The following MRPL1 variants were observed in gnomAD, a reference collection of about 807,000 sequenced individuals.
MRPL1 encodes the protein large ribosomal subunit protein uL1m.
Under a neutral mutation model 38.0 loss-of-function variants are expected in MRPL1, and 28 were observed. The ratio of observed to expected loss-of-function variants is 0.74; its 90% CI spans 0.55 to 1.01. MRPL1 has a LOEUF of 1.01. Ranked by LOEUF, MRPL1 falls within the 50% of genes least tolerant of loss-of-function variation. The pLI is 0.00. For synonymous variants in MRPL1, 123 were observed against 126.7 expected (o/e 0.97, Z 0.20); for missense variants, 358 against 389.8 (o/e 0.92, Z 0.69).
At chr4:77,863,663 C>T (rs1578033994) in intron 1 of MRPL1, among the ~76,000 whole-genome samples, 1 of 151,996 alleles carries the variant, frequency 6.6e-6, no homozygotes, top group Admixed American at 6.6e-5. Context: ...GACAGGGTTT[C>T]ACCATGTTGA....
intron 8 of MRPL1, 49 bp from the exon 9 acceptor site, chr4:77,952,440 G>T: frequency 8.1e-7 from 1 of 1,240,064 alleles, no homozygotes; most frequent in Non-Finnish European, 1.2e-6. Flanking sequence ...TGCTCATGAG[G>T]TGGTATTGCG....
chr4:77,869,376 A>G (rs925183538), intron 1 of MRPL1, among the ~76,000 whole-genome samples: 3 of 152,168 alleles, frequency 2.0e-5, no homozygotes, highest in Non-Finnish European at 4.4e-5. Flanking sequence ...GGGGAAGAGA[A>G]ATGTATTAAT....
chr4:77,886,789 C>CTTTTTTTTT lies in MRPL1; in HGVS notation c.487-418_487-410dup, dbSNP rs71214375. On this transcript the variant is annotated intron_variant, in intron 4 of 8. Transcript: ENST00000315567. ...GCTCACTGCACCTGGTTTGCATTTT[C>CTTTTTTTTT]TTTTTTTTTTTTTTTTTTTTTGAGA... 1.5e-3 allele frequency among the ~76,000 whole-genome samples: 136 copies of CTTTTTTTTT among 90,484 alleles called. 1 individual carries two copies. The highest frequency in any genetic ancestry group is 2.0e-3 in the Admixed American group (13 of 6,472). 59.4% of individuals were successfully genotyped at this position (90,484 alleles called of 152,430 possible). A position where few individuals can be genotyped will look rare whatever the true frequency, so the allele number is the denominator to read the frequency against.
At chr4:77,950,964 G>A (rs1301019166) in intron 8 of MRPL1, among the ~76,000 whole-genome samples, 1 of 152,146 alleles carries the variant, frequency 6.6e-6, no homozygotes, top group Non-Finnish European at 1.5e-5. Context: ...TCCGCCTCCC[G>A]GGTTCAAGCA....
At chr4:77,929,769 T>TA (rs386400570) in intron 7 of MRPL1, among the ~76,000 whole-genome samples, 5,884 of 150,036 alleles carry the variant, frequency 0.039, 366 homozygotes, top group African/African-American at 0.13. Flanking sequence ...GGGTTTTATT[T>TA]AAAAAAAAAA....
intron 1 of MRPL1, among the ~76,000 whole-genome samples, chr4:77,868,435 GT>G (rs1233576977): frequency 1.3e-5 from 2 of 151,938 alleles, no homozygotes; most frequent in African/African-American, 2.4e-5. Flanking sequence ...TAGAGACGGG[GT>G]TTTACCATGT....
chr4:77,930,022 A>G (rs918065425), intron 7 of MRPL1, among the ~76,000 whole-genome samples: 8 of 152,200 alleles, frequency 5.3e-5, no homozygotes, highest in Non-Finnish European at 1.0e-4. Context: ...TGAAAAGTAA[A>G]TAATAGCAGG....
chr4:77,920,540 C>CA (rs2110253653), intron 7 of MRPL1, among the ~76,000 whole-genome samples: 1 of 152,184 alleles, frequency 6.6e-6, no homozygotes, highest in Admixed American at 6.5e-5. Context: ...AGCTCTTTCC[C>CA]AAAAAAGGGA....
Position 77,906,732 on chromosome 4 carries a change from TA to T in MRPL1, c.671-2527del, listed in dbSNP as rs943387861. Among the ~76,000 whole-genome samples, 17 of 152,204 alleles carry T rather than the reference TA, an allele frequency of 1.1e-4. 1 individual carries two copies. The highest frequency in any genetic ancestry group is 2.1e-4 in the Non-Finnish European group (14 of 67,988). ...GGCACTGTTCTTATGAAAACAAACG[TA>T]AAAAAATATATTTAAGTAAAGAAAT... On this transcript the variant is annotated intron_variant, in intron 6 of 8. Coordinates refer to ENST00000315567, the MANE Select transcript of MRPL1 (RefSeq NM_020236.4).
chr4:77,905,277 A>C (rs1278151845), intron 6 of MRPL1, among the ~76,000 whole-genome samples: 2 of 152,050 alleles, frequency 1.3e-5, no homozygotes, highest in African/African-American at 4.8e-5. Context: ...CAGGAGGATC[A>C]CCTGAGGTCA....
intron 7 of MRPL1, among the ~76,000 whole-genome samples, chr4:77,933,293 C>CAT (rs1736890021): frequency 6.6e-6 from 1 of 152,076 alleles, no homozygotes; most frequent in South Asian, 2.1e-4. Flanking sequence ...GAGGGTGGGG[C>CAT]ATACCACCCT....
intron 5 of MRPL1, among the ~76,000 whole-genome samples, chr4:77,888,013 T>C (rs1334239381): frequency 6.6e-6 from 1 of 152,176 alleles, no homozygotes; most frequent in Non-Finnish European, 1.5e-5. Context: ...GACACCTCTA[T>C]TCATGTTTTG....
chr4:77,876,080 C>T (rs1246529385), intron 2 of MRPL1, among the ~76,000 whole-genome samples: 2 of 152,180 alleles, frequency 1.3e-5, no homozygotes, highest in African/African-American at 4.8e-5. Flanking sequence ...TCAGGCGATT[C>T]TCTTGCCTCA....
intron 7 of MRPL1, among the ~76,000 whole-genome samples, chr4:77,913,879 A>G (rs1736353616): frequency 6.6e-6 from 1 of 152,242 alleles, no homozygotes; most frequent in South Asian, 2.1e-4. Context: ...ATCCTGTATG[A>G]TTCTTTTTGT....
At chr4:77,887,145 C>G (rs1247292160) in intron 4 of MRPL1, 75 bp from the exon 5 acceptor site, 2 of 1,171,084 alleles carry the variant, frequency 1.7e-6, no homozygotes, top group African/African-American at 3.1e-5. Context: ...GATATTATTT[C>G]TGACAACATA....
Position 77,871,849 on chromosome 4 carries a change from C to T in MRPL1, c.137C>T (p.Ala46Val). ...GTGCCCAACAGACATTTTGCTGCTG[C>T]TACAAAGTAAGTATTTTTTTTTAGT... ...IRVPNRHFAA[A>V]TKSAKKTKKG... Residue 46 changes from alanine to valine, a missense_variant, in exon 2 of 9, where the codon GCT becomes GTT. Coordinates refer to ENST00000315567, the MANE Select transcript of MRPL1 (RefSeq NM_020236.4). 1 of 1,578,402 alleles carries T rather than the reference C, an allele frequency of 6.3e-7. No homozygotes were observed. Among genetic ancestry groups the T allele is most frequent in the Non-Finnish European group, 8.6e-7 (1 of 1,162,158 alleles).
At chr4:77,891,862 G>T (rs1735814314) in intron 5 of MRPL1, among the ~76,000 whole-genome samples, 2 of 152,012 alleles carry the variant, frequency 1.3e-5, no homozygotes. Context: ...TTCTCTTTAG[G>T]GCCCCAGTAG....
At chr4:77,892,108 T>G (rs1283342573) in intron 5 of MRPL1, among the ~76,000 whole-genome samples, 1 of 150,590 alleles carries the variant, frequency 6.6e-6, no homozygotes, top group Non-Finnish European at 1.5e-5. Flanking sequence ...CCAAGTAGGA[T>G]AAATTTATGT....
chr4:77,892,726 C>A (rs962794576), intron 5 of MRPL1, among the ~76,000 whole-genome samples: 2 of 152,122 alleles, frequency 1.3e-5, no homozygotes, highest in African/African-American at 4.8e-5. Context: ...CTCTGCTTTC[C>A]TATTTCCAGT....
Sources: gnomAD v4.1 joint callset for allele counts (sites outside exome capture counted in the v4.1 genomes callset) on GRCh38, gnomAD v4.1.1 for gene constraint, MANE v1.5 for transcripts, NCBI Gene and HGNC (gene_info 2026-07-23, HGNC 2026-07-21) for gene names.